ATP2C2: variants seen among roughly 807,000 people sequenced by gnomAD.
ATP2C2 encodes the protein ATPase secretory pathway Ca2+ transporting 2.
Under a neutral mutation model 110.8 loss-of-function variants are expected in ATP2C2, and 171 were observed. The ratio of observed to expected loss-of-function variants is 1.54; its 90% CI spans 1.36 to 1.75. The LOEUF (loss-of-function observed/expected upper bound fraction) is 1.75, where lower values mean the gene tolerates loss of function less well. ATP2C2 is among the 40% of genes most tolerant of loss of function. The pLI, the probability that ATP2C2 is intolerant of heterozygous loss-of-function variation, is 0.00. For synonymous variants in ATP2C2, 804 were observed against 508.4 expected, an observed-to-expected ratio of 1.58 and a Z score of -7.82; for missense variants, 1,963 against 1,235.0, an observed-to-expected ratio of 1.59 and a Z score of -8.84.
At chr16:84,398,331 G>A (rs1217094909) in intron 1 of ATP2C2, among the ~76,000 whole-genome samples, 168 bp from the exon 2 acceptor site, 5 of 152,140 alleles carry the variant, frequency 3.3e-5, no homozygotes, top group East Asian at 3.9e-4. Context: ...TCTTGAACCC[G>A]GTAAGTGGAG....
chr16:84,429,470 G>A (rs1908074584), intron 11 of ATP2C2, among the ~76,000 whole-genome samples: 1 of 152,136 alleles, frequency 6.6e-6, no homozygotes, highest in South Asian at 2.1e-4. Flanking sequence ...AGCTTTTGAG[G>A]AGCATTTATC....
At position 84,455,075 on chromosome 16, in the gene ATP2C2, G is replaced by GGC. The variant is rs892004492; in HGVS notation, c.2147+92_2147+93insCG. The GGC allele has an allele frequency of 4.6e-5, 70 of 1,507,594 alleles. 5 individuals are homozygous for GGC. In the South Asian group the frequency reaches 7.4e-4, roughly 16 times the overall value. The allele number at this position is 1,507,594 out of a possible 1,614,324, so 93.4% of individuals were successfully genotyped here. ...ACCTGCTACTGTGGAGATAGAGGGG[G>GGC]GGGTCTCGCGGAGTCCCCAGGGAGA... is the stretch of plus-strand genomic sequence containing the variant. On this transcript the variant is annotated intron_variant, in intron 21 of 26. Coordinates refer to ENST00000262429, the MANE Select transcript of ATP2C2 (RefSeq NM_014861.4).
chr16:84,426,638 C>A (rs1166518359), intron 11 of ATP2C2, among the ~76,000 whole-genome samples: 4 of 152,152 alleles, frequency 2.6e-5, no homozygotes, highest in Non-Finnish European at 4.4e-5. Context: ...CCTAGGGCGA[C>A]TGTCTGGATT....
At chr16:84,460,353 G>T in intron 23 of ATP2C2, 1 of 433,796 alleles carries the variant, frequency 2.3e-6, no homozygotes, top group Non-Finnish European at 4.3e-6. Context: ...ACGTTGGGGG[G>T]GGTCCCCTCG....
chr16:84,400,399 TCACTGCAAGCTCCGCCTCCTGGG>T (rs1384009418), intron 2 of ATP2C2, among the ~76,000 whole-genome samples: 1 of 151,638 alleles, frequency 6.6e-6, no homozygotes, highest in Non-Finnish European at 1.5e-5. Context: ...CGATCTCTGC[TCACTGCAAGCTCCGCCTCCTGGG>T]TTCACGCCAT....
chr16:84,443,379 G>A (rs921634038), intron 15 of ATP2C2, among the ~76,000 whole-genome samples: 2 of 152,062 alleles, frequency 1.3e-5, no homozygotes, highest in African/African-American at 2.4e-5. Context: ...TCCTTTCCCC[G>A]ACCCGCTCCG....
intron 16 of ATP2C2, among the ~76,000 whole-genome samples, chr16:84,447,321 C>A (rs1035519994): frequency 1.3e-5 from 2 of 152,074 alleles, no homozygotes; most frequent in African/African-American, 4.8e-5. Context: ...AACTTTTAGA[C>A]CTTTAAATCT....
Position 84,454,863 on chromosome 16 carries a change from G to C in ATP2C2, c.2026G>C (p.Val676Leu). The change falls in exon 21 of 27, where the codon GTG becomes CTG. Residue 676 changes from valine (V) to leucine (L), a missense_variant. Physicochemically the swap from Val to Leu is conservative, Grantham distance 32 (BLOSUM62 1). Coordinates refer to ENST00000262429, the MANE Select transcript of ATP2C2 (RefSeq NM_014861.4). ...GATCGTGGCCATGACTGGGGATGGG[G>C]TGAACGACGCAGTGGCCCTGAAGTC... ...GAIVAMTGDG[V>L]NDAVALKSAD... is the part of the protein sequence containing the mutation. 6.2e-7 allele frequency: 1 copy of C among 1,613,656 alleles called. No individual in the cohort carries two copies. Among genetic ancestry groups the C allele is most frequent in the Non-Finnish European group, 8.5e-7 (1 of 1,179,750 alleles).
At chr16:84,375,275 G>C (rs4782939) in intron 1 of ATP2C2, among the ~76,000 whole-genome samples, 151,352 of 152,360 alleles carry the variant, frequency 0.99, 75,178 homozygotes, top group Middle Eastern at 1. Flanking sequence ...GGCGCAGTGG[G>C]TCACGCCTGT....
At chr16:84,452,383 T>C (rs996795321) in intron 18 of ATP2C2, among the ~76,000 whole-genome samples, 2 of 152,276 alleles carry the variant, frequency 1.3e-5, no homozygotes, top group East Asian at 3.9e-4. Flanking sequence ...CATGGCCATG[T>C]ACAGTTTCAG....
At chr16:84,449,506 C>T (rs1207509357) in intron 17 of ATP2C2, among the ~76,000 whole-genome samples, 1 of 152,164 alleles carries the variant, frequency 6.6e-6, no homozygotes, top group East Asian at 1.9e-4. Flanking sequence ...CTAAGGAAGG[C>T]AGGAGAGCAG....
Position 84,461,874 on chromosome 16 carries a change from C to T in ATP2C2, c.2580+62C>T, listed in dbSNP as rs532801763. 2.1e-4 allele frequency: 340 copies of T among 1,607,416 alleles called. 4 individuals are homozygous for T. The South Asian group carries it at 3.5e-3, about 16-fold the overall frequency. The stretch of plus-strand genomic sequence containing the variant: ...CTGTGTGTTCTCGACAGCAGCGCCC[C>T]GACCCTGCCCGCAGCATTGAGCGGC... On this transcript the variant is annotated intron_variant, in intron 25 of 26. Coordinates refer to ENST00000262429, the MANE Select transcript of ATP2C2 (RefSeq NM_014861.4).
intron 15 of ATP2C2, among the ~76,000 whole-genome samples, chr16:84,444,834 G>A (rs1050867684): frequency 1.3e-5 from 2 of 152,218 alleles, no homozygotes; most frequent in Non-Finnish European, 1.5e-5. Context: ...AGGAAGTGCT[G>A]CCTGTGTGAC....
At chr16:84,459,047 T>A (rs1910974436) in intron 21 of ATP2C2, 73 bp from the exon 22 acceptor site, 12 of 1,540,102 alleles carry the variant, frequency 7.8e-6, no homozygotes, top group Non-Finnish European at 1.1e-5. Context: ...CACTGCCCCT[T>A]GCAGCAACCG....
chr16:84,420,717 C>T (rs748917624), intron 7 of ATP2C2, among the ~76,000 whole-genome samples: 2 of 152,124 alleles, frequency 1.3e-5, no homozygotes, highest in East Asian at 1.9e-4. Flanking sequence ...CAGGATCCTA[C>T]CTGACATTTA....
At chr16:84,420,918 G>C (rs1190839422) in intron 7 of ATP2C2, among the ~76,000 whole-genome samples, 3 of 152,146 alleles carry the variant, frequency 2.0e-5, no homozygotes, top group Non-Finnish European at 4.4e-5. Context: ...AGATTCTCCT[G>C]CCTCAGCCTC....
chr16:84,396,279 C>T (rs1904969162), intron 1 of ATP2C2, among the ~76,000 whole-genome samples: 2 of 152,044 alleles, frequency 1.3e-5, no homozygotes, highest in Admixed American at 1.3e-4. Context: ...GGTGCAGTGG[C>T]TCACGCCTGT....
At chr16:84,443,686 C>T (rs1177761110) in intron 15 of ATP2C2, among the ~76,000 whole-genome samples, 1 of 152,170 alleles carries the variant, frequency 6.6e-6, no homozygotes, top group South Asian at 2.1e-4. Flanking sequence ...GCTTACCTGT[C>T]CCATCACTGA....
chr16:84,440,521 G>A (rs551995967), intron 13 of ATP2C2, among the ~76,000 whole-genome samples: 134 of 152,308 alleles, frequency 8.8e-4, no homozygotes, highest in Non-Finnish European at 1.7e-3. Context: ...GACAAAGGTG[G>A]TATGGGCTGC....
Sources: gnomAD v4.1 joint callset for allele counts (sites outside exome capture counted in the v4.1 genomes callset) on GRCh38, gnomAD v4.1.1 for gene constraint, MANE v1.5 for transcripts, NCBI Gene and HGNC (gene_info 2026-07-23, HGNC 2026-07-21) for gene names.